The following BCAS3 variants were observed in gnomAD, a reference collection of about 807,000 sequenced individuals.
The protein encoded by BCAS3 is BCAS4/BCAS3 fusion.
Under a neutral mutation model 116.1 loss-of-function variants are expected in BCAS3, and 53 were observed. The observed-to-expected ratio is 0.46, with a 90% CI of 0.37 to 0.57. The LOEUF (loss-of-function observed/expected upper bound fraction) is 0.57. Ranked by LOEUF, BCAS3 falls within the 20% of genes least tolerant of loss-of-function variation. The pLI is 0.00. For synonymous variants in BCAS3, 391 were observed against 408.2 expected (o/e 0.96, Z 0.51); for missense variants, 917 against 1,165.4 (o/e 0.79, Z 3.10).
Position 60,964,064 on chromosome 17 carries a change from G to T in BCAS3, c.1221+16712G>T, listed in dbSNP as rs1567978492. On this transcript the variant is annotated intron_variant, in intron 14 of 23. Coordinates refer to ENST00000407086, the MANE Select transcript of BCAS3 (RefSeq NM_017679.5). The surrounding 1 kb of genome is among the most constrained non-coding windows in gnomAD (Gnocchi z 4.6). ...CTAATTGCTCTGGCCAGGACTGGCA[G>T]TATTATGTTGAGTAACCGTAGTGAG... 1.3e-5 allele frequency among the ~76,000 whole-genome samples: 2 copies of T among 152,186 alleles called. No homozygotes were observed. Among genetic ancestry groups the T allele is most frequent in the Admixed American group, 6.5e-5 (1 of 15,276 alleles).
chr17:61,250,937 G>A (rs1034684716), intron 22 of BCAS3, among the ~76,000 whole-genome samples: 1 of 152,152 alleles, frequency 6.6e-6, no homozygotes, highest in African/African-American at 2.4e-5. Context: ...GTGCCTTTGT[G>A]GTACTTCACA....
rs1289093908 is a variant in BCAS3, at chr17:61,348,741, T to G, written c.2426-19586T>G. Among the ~76,000 whole-genome samples the G allele has an allele frequency of 2.1e-5, 3 of 145,510 alleles. No individual in the cohort carries two copies. The highest frequency in any genetic ancestry group is 4.5e-5 in the Non-Finnish European group (3 of 67,030). On this transcript the variant is annotated intron_variant, in intron 22 of 23. Coordinates refer to ENST00000407086, the MANE Select transcript of BCAS3 (RefSeq NM_017679.5). The surrounding 1 kb of genome is among the most constrained non-coding windows in gnomAD (Gnocchi z 4.5). ...ACAGTCACGTGCTTCTTGCAACCTC[T>G]TGGGCAGAGATTCTTTTTTTTTTTT...
intron 6 of BCAS3, among the ~76,000 whole-genome samples, chr17:60,781,357 C>G (rs2045819608): frequency 1.3e-5 from 2 of 151,762 alleles, no homozygotes; most frequent in South Asian, 4.1e-4. Flanking sequence ...CCAGCACTTA[C>G]AGAGGACAAG....
At chr17:61,160,637 C>G (rs1010161572) in intron 22 of BCAS3, among the ~76,000 whole-genome samples, 4 of 152,064 alleles carry the variant, frequency 2.6e-5, no homozygotes, top group African/African-American at 9.7e-5. Flanking sequence ...GAAAAAAATG[C>G]CTAGGGCTGA....
At position 61,379,647 on chromosome 17, in the gene BCAS3, C is replaced by G. The variant is rs2059508127; in HGVS notation, c.2593+11153C>G. 6.6e-6 allele frequency: 1 copy of G among 152,256 alleles called. No homozygotes were observed. The highest frequency in any genetic ancestry group is 6.5e-5 in the Admixed American group (1 of 15,274). 9.4% of individuals were successfully genotyped at this position (152,256 alleles called of 1,614,324 possible). On this transcript the variant is annotated intron_variant, in intron 23 of 23. Transcript: ENST00000407086. The surrounding 1 kb of genome is among the most constrained non-coding windows in gnomAD (Gnocchi z 5.5). The stretch of plus-strand genomic sequence containing the variant: ...CCCCTGCCCCCGGGGACCTGCCGGC[C>G]CACTGCATAAGACATTTTTTAATTT...
At chr17:60,754,117 C>T (rs1416697270) in intron 6 of BCAS3, among the ~76,000 whole-genome samples, 6 of 151,950 alleles carry the variant, frequency 3.9e-5, no homozygotes, top group Non-Finnish European at 5.9e-5. Context: ...CTCACTGCAG[C>T]CTTGACCTCC....
intron 6 of BCAS3, among the ~76,000 whole-genome samples, chr17:60,797,187 T>C (rs1017077323): frequency 2.6e-5 from 4 of 152,126 alleles, no homozygotes; most frequent in African/African-American, 9.7e-5. Flanking sequence ...TAAGCCACCG[T>C]GCTTGGCCGT....
chr17:61,364,199 C>T lies in BCAS3; in HGVS notation c.2426-4128C>T, dbSNP rs367814229. 2.0e-5 allele frequency among the ~76,000 whole-genome samples: 3 copies of T among 152,188 alleles called. No homozygotes were observed. Among genetic ancestry groups the T allele is most frequent in the South Asian group, 2.1e-4 (1 of 4,832 alleles). On this transcript the variant is annotated intron_variant, in intron 22 of 23. Coordinates refer to ENST00000407086, the MANE Select transcript of BCAS3 (RefSeq NM_017679.5). This position sits in a 1 kb window ranked among gnomAD's most constrained non-coding sequence, Gnocchi z 5.4. ...GAACACTTCTGATATCTCCCATCTTCGCTCCTCAACTTCCTAGCTGTGCGC... is the reference window on the plus strand; with the variant it reads ...GAACACTTCTGATATCTCCCATCTTTGCTCCTCAACTTCCTAGCTGTGCGC...
At chr17:60,819,104 T>TA (rs1206046329) in intron 7 of BCAS3, among the ~76,000 whole-genome samples, 3 of 152,220 alleles carry the variant, frequency 2.0e-5, no homozygotes, top group African/African-American at 7.2e-5. Context: ...TAATATGTCT[T>TA]AAAATGTTAA....
rs549406958 is a variant in BCAS3 at position 60,910,680 on chromosome 17, C to A, written c.971C>A (p.Thr324Asn). ...CCAGGCATCATCACAGTTATTGACA[C>A]CGAAACCGTTGGAGAGGGCCAGGTA... ...LVPGIITVID[T>N]ETVGEGQVLV... Residue 324 changes from threonine to asparagine, a missense_variant, in exon 12 of 24, where the codon ACC becomes AAC. Physicochemically the swap from Thr to Asn is moderately conservative, Grantham distance 65. Transcript: ENST00000407086. 1.2e-6 allele frequency: 2 copies of A among 1,608,090 alleles called. No individual in the cohort carries two copies. The highest frequency in any genetic ancestry group is 1.7e-6 in the Non-Finnish European group (2 of 1,177,242).
At chr17:60,867,650 C>T (rs1461701618) in intron 7 of BCAS3, among the ~76,000 whole-genome samples, 1 of 151,972 alleles carries the variant, frequency 6.6e-6, no homozygotes, top group Non-Finnish European at 1.5e-5. Context: ...ATGAATTTGC[C>T]TCTGTGTGTG....
At chr17:60,784,024 C>G (rs1250760443) in intron 6 of BCAS3, among the ~76,000 whole-genome samples, 1 of 152,122 alleles carries the variant, frequency 6.6e-6, no homozygotes, top group Non-Finnish European at 1.5e-5. Context: ...TAAAGCAGCA[C>G]TCCATTGTAG....
At chr17:61,182,611 C>T (rs754491090) in intron 22 of BCAS3, among the ~76,000 whole-genome samples, 2 of 152,182 alleles carry the variant, frequency 1.3e-5, no homozygotes, top group Admixed American at 6.5e-5. Flanking sequence ...AACACCACAA[C>T]GGAGTTTTAG....
chr17:60,803,894 C>T (rs979197884), intron 6 of BCAS3, among the ~76,000 whole-genome samples: 3 of 149,196 alleles, frequency 2.0e-5, no homozygotes, highest in East Asian at 2.0e-4. Context: ...CTCTGCTTCC[C>T]GGGTTTGAGC....
chr17:61,346,427 T>C lies in BCAS3; in HGVS notation c.2426-21900T>C, dbSNP rs186288762. Among the ~76,000 whole-genome samples, 1 of 152,358 alleles carries C rather than the reference T, an allele frequency of 6.6e-6. No individual in the cohort carries two copies. The highest frequency in any genetic ancestry group is 1.5e-5 in the Non-Finnish European group (1 of 68,038). On this transcript the variant is annotated intron_variant, in intron 22 of 23. Coordinates refer to ENST00000407086, the MANE Select transcript of BCAS3 (RefSeq NM_017679.5). The surrounding 1 kb of genome is among the most constrained non-coding windows in gnomAD (Gnocchi z 5.4). ...GCTCTGTGGCCTAATACAAAGTCAC[T>C]TTATACCTCAGCTTCTTTCTGAAAC...
chr17:61,174,404 A>G (rs758886428), intron 22 of BCAS3, among the ~76,000 whole-genome samples: 5 of 152,190 alleles, frequency 3.3e-5, no homozygotes, highest in Non-Finnish European at 5.9e-5. Context: ...CATAATTGAG[A>G]TCATAGGTCA....
chr17:60,701,817 A>AAAAAAAAAGAAAAAAAAG, intron 4 of BCAS3, among the ~76,000 whole-genome samples: 1 of 149,234 alleles, frequency 6.7e-6, no homozygotes, highest in African/African-American at 2.5e-5. Context: ...AAAAAAAAAA[A>AAAAAAAAAGAAAAAAAAG]AAAAGAAAAA....
rs2072907176 is a variant in BCAS3 at position 61,084,340 on chromosome 17, C to T, written c.2328-127C>T. The T allele has an allele frequency of 5.8e-6, 4 of 693,102 alleles. No individual in the cohort carries two copies. The highest frequency in any genetic ancestry group is 7.1e-6 in the Non-Finnish European group (3 of 424,414). The allele number at this position is 693,102 out of a possible 1,614,324, so 42.9% of individuals were successfully genotyped here. On this transcript the variant is annotated intron_variant, in intron 21 of 23. Transcript: ENST00000407086. The surrounding 1 kb of genome is among the most constrained non-coding windows in gnomAD (Gnocchi z 5.5). Reference sequence around the variant, plus strand: ...TAGGGACTGCAGCTCCCCTGTTTGTCTTGTTTTAGAATGGATGGTTCTTTA... The same window carrying T: ...TAGGGACTGCAGCTCCCCTGTTTGTTTTGTTTTAGAATGGATGGTTCTTTA...
intron 6 of BCAS3, among the ~76,000 whole-genome samples, chr17:60,785,193 T>C (rs9891946): frequency 0.28 from 42,029 of 152,104 alleles, 11,497 homozygotes; most frequent in African/African-American, 0.71. Context: ...CAGAGTCTCA[T>C]TGTCACCCAG....
Sources: gnomAD v4.1 joint callset for allele counts (sites outside exome capture counted in the v4.1 genomes callset) on GRCh38, gnomAD v4.1.1 for gene constraint, Gnocchi (gnomAD v3.1) non-coding constraint, MANE v1.5 for transcripts, NCBI Gene and HGNC (gene_info 2026-07-23, HGNC 2026-07-21) for gene names.